The following CDH4 variants were observed in gnomAD, a reference collection of about 807,000 sequenced individuals.
CDH4 encodes cadherin 4.
A neutral mutation model predicts 86.0 loss-of-function variants in CDH4; 33 were observed. The observed-to-expected ratio is 0.38, with a 90% confidence interval of 0.29 to 0.51. The LOEUF is 0.51. CDH4 is among the 20% of genes least tolerant of loss of function. The pLI is 0.86. For missense variants in CDH4, 1,114 were observed against 1,307.4 expected, an observed-to-expected ratio of 0.85 and a Z score of 2.28; for synonymous variants, 555 against 549.4, an observed-to-expected ratio of 1.01 and a Z score of -0.14.
chr20:61,798,043 G>A (rs2146026843), intron 4 of CDH4, among the ~76,000 whole-genome samples: 1 of 152,302 alleles, frequency 6.6e-6, no homozygotes, highest in South Asian at 2.1e-4. Flanking sequence ...CAGCCTCACT[G>A]AGCGTCCACA....
chr20:61,393,343 G>T lies in CDH4; in HGVS notation c.169+138406G>T, dbSNP rs996474484. 7.8e-6 allele frequency among the ~76,000 whole-genome samples: 1 copy of T among 127,720 alleles called. No individual in the cohort carries two copies. The highest frequency in any genetic ancestry group is 1.7e-5 in the Non-Finnish European group (1 of 58,126). The allele number at this position is 127,720 out of a possible 152,430, so 83.8% of individuals were successfully genotyped here. ...TCCAGTGGTGTGGGGGACAGCAGCC[G>T]GGGGGGGCCGGGGTCTTCCTTACCT... On this transcript the variant is annotated intron_variant, in intron 2 of 15. Coordinates refer to ENST00000614565, the MANE Select transcript of CDH4 (RefSeq NM_001794.5). This position sits in a 1 kb window ranked among gnomAD's most constrained non-coding sequence, Gnocchi z 4.3.
chr20:61,656,582 G>A (rs6142820), intron 2 of CDH4, among the ~76,000 whole-genome samples: 49,712 of 151,982 alleles, frequency 0.33, 8,287 homozygotes, highest in East Asian at 0.57. Context: ...GTCAGTGTGC[G>A]TCGTCAGGCT....
At chr20:61,607,072 C>T (rs1487358499) in intron 2 of CDH4, among the ~76,000 whole-genome samples, 1 of 152,224 alleles carries the variant, frequency 6.6e-6, no homozygotes, top group African/African-American at 2.4e-5. Context: ...CCTTTACAAC[C>T]TTGTGGTAAC....
At position 61,768,972 on chromosome 20, in the gene CDH4, G is replaced by C. The variant is rs1438674189; in HGVS notation, c.397-4031G>C. 2.6e-5 allele frequency among the ~76,000 whole-genome samples: 4 copies of C among 152,188 alleles called. No homozygotes were observed. The East Asian group carries it at 5.8e-4, about 22-fold the overall frequency. On this transcript the variant is annotated intron_variant, in intron 3 of 15. Transcript: ENST00000614565. Reference sequence around the variant, plus strand: ...ATTCAGAGGGCCCTGGTGAGCTGCTGCTGGTTCTGAAGCACCACCAGGCGG... The same window carrying C: ...ATTCAGAGGGCCCTGGTGAGCTGCTCCTGGTTCTGAAGCACCACCAGGCGG...
intron 2 of CDH4, among the ~76,000 whole-genome samples, chr20:61,347,070 A>G (rs948928589): frequency 6.6e-6 from 1 of 152,192 alleles, no homozygotes; most frequent in Non-Finnish European, 1.5e-5. Flanking sequence ...ACGTTTTACT[A>G]ACTTCATCTG....
chr20:61,364,131 C>G (rs2084798623), intron 2 of CDH4, among the ~76,000 whole-genome samples: 1 of 152,192 alleles, frequency 6.6e-6, no homozygotes, highest in Admixed American at 6.5e-5. Flanking sequence ...GGCACCTTGT[C>G]CAGCAGATCC....
chr20:61,400,791 C>T (rs1325251528), intron 2 of CDH4, among the ~76,000 whole-genome samples: 6 of 152,218 alleles, frequency 3.9e-5, no homozygotes, highest in African/African-American at 7.2e-5. Flanking sequence ...GCCCCACCTC[C>T]GCTGGTACCA....
In CDH4 at chr20:61,747,304, C is replaced by T. The variant is rs747247592; in HGVS notation, c.396+3515C>T. Among the ~76,000 whole-genome samples, 5 of 152,022 alleles carry T rather than the reference C, an allele frequency of 3.3e-5. No individual in the cohort carries two copies. The East Asian group carries it at 9.7e-4, about 29-fold the overall frequency. Reference sequence around the variant, plus strand: ...AAATACAAACAAAAATAAAATTAGCCGGGCGTAGTGGCAGGTGCCTATAGT... The same window carrying T: ...AAATACAAACAAAAATAAAATTAGCTGGGCGTAGTGGCAGGTGCCTATAGT... On this transcript the variant is annotated intron_variant, in intron 3 of 15. Transcript: ENST00000614565.
chr20:61,906,806 T>C (rs193117299), intron 8 of CDH4, among the ~76,000 whole-genome samples: 20 of 150,794 alleles, frequency 1.3e-4, no homozygotes, highest in African/African-American at 4.7e-4. Context: ...TGGCCCGGGG[T>C]CAGGTGTCAG....
chr20:61,649,113 T>C (rs2087094866), intron 2 of CDH4, among the ~76,000 whole-genome samples: 1 of 152,272 alleles, frequency 6.6e-6, no homozygotes, highest in South Asian at 2.1e-4. Context: ...GATGGTCACA[T>C]ATCTGACTAA....
intron 2 of CDH4, among the ~76,000 whole-genome samples, chr20:61,530,294 C>T (rs1600732863): frequency 6.6e-6 from 1 of 152,220 alleles, no homozygotes. Context: ...CCTCCCAAAG[C>T]ACTGGGATTA....
chr20:61,594,984 G>A (rs370495661), intron 2 of CDH4, among the ~76,000 whole-genome samples: 5 of 152,116 alleles, frequency 3.3e-5, no homozygotes, highest in East Asian at 3.9e-4. Flanking sequence ...TTACCCCAGC[G>A]CTGGCCATGC....
intron 2 of CDH4, among the ~76,000 whole-genome samples, chr20:61,583,829 CCA>C (rs766747765): frequency 8.5e-5 from 13 of 152,218 alleles, no homozygotes; most frequent in Non-Finnish European, 1.8e-4. Flanking sequence ...GCCCGTACAG[CCA>C]CACACTCCTT....
intron 2 of CDH4, among the ~76,000 whole-genome samples, chr20:61,567,784 C>T (rs1045024995): frequency 6.6e-6 from 1 of 152,088 alleles, no homozygotes; most frequent in Admixed American, 6.5e-5. Context: ...AAGTTCGAGA[C>T]CAGCCTGGGC....
chr20:61,793,666 C>T (rs1568819122), intron 4 of CDH4, among the ~76,000 whole-genome samples: 1 of 151,428 alleles, frequency 6.6e-6, no homozygotes, highest in South Asian at 2.1e-4. Context: ...ATGGTGAAAC[C>T]CCATCTCTAC....
At chr20:61,561,395 G>A (rs1332492100) in intron 2 of CDH4, among the ~76,000 whole-genome samples, 1 of 152,256 alleles carries the variant, frequency 6.6e-6, no homozygotes, top group Non-Finnish European at 1.5e-5. Flanking sequence ...AGCACGAGCA[G>A]TGGGTGATTG....
At chr20:61,546,140 A>G (rs1433914831) in intron 2 of CDH4, among the ~76,000 whole-genome samples, 485 of 18,264 alleles carry the variant, frequency 0.027, no homozygotes, top group Middle Eastern at 0.17. Flanking sequence ...GGGATACGGT[A>G]TTTGTTCACA....
rs1245166089 is a variant in CDH4 at position 61,708,195 on chromosome 20, C to G, written c.170-35368C>G. Among the ~76,000 whole-genome samples the G allele has an allele frequency of 6.6e-6, 1 of 152,144 alleles. No individual in the cohort carries two copies. The highest frequency in any genetic ancestry group is 1.5e-5 in the Non-Finnish European group (1 of 67,996). On this transcript the variant is annotated intron_variant, in intron 2 of 15. Transcript: ENST00000614565. This position sits in a 1 kb window ranked among gnomAD's most constrained non-coding sequence, Gnocchi z 4.5. ...AACCTAGGAAGAAGGGCTGGTGCTG[C>G]CCGCAAGTGCCTGGACCTGCACACA...
intron 2 of CDH4, among the ~76,000 whole-genome samples, chr20:61,285,054 C>T (rs1011077483): frequency 6.6e-6 from 1 of 151,854 alleles, no homozygotes; most frequent in Non-Finnish European, 1.5e-5. Flanking sequence ...TTGCTCTCTG[C>T]TCAGCCCAGC....
Sources: gnomAD v4.1 joint callset for allele counts (sites outside exome capture counted in the v4.1 genomes callset) on GRCh38, gnomAD v4.1.1 for gene constraint, Gnocchi (gnomAD v3.1) non-coding constraint, MANE v1.5 for transcripts, NCBI Gene and HGNC (gene_info 2026-07-23, HGNC 2026-07-21) for gene names.